The following BCL11B variants were observed in gnomAD, a reference collection of about 807,000 sequenced individuals.
The protein encoded by BCL11B is BCL11 transcription factor B, also known as B-cell lymphoma/leukemia 11B.
A neutral mutation model predicts 49.9 loss-of-function variants in BCL11B; 8 were observed. That is an observed-to-expected ratio of 0.16 (90% CI 0.09 to 0.29). The LOEUF is 0.29. Among genes scored for constraint, BCL11B ranks in the 10% least tolerant of loss-of-function variants. BCL11B has a pLI of 1.00. For missense variants in BCL11B, 1,006 were observed against 1,351.0 expected, an observed-to-expected ratio of 0.74 and a Z score of 4.00; for synonymous variants, 739 against 637.4, an observed-to-expected ratio of 1.16 and a Z score of -2.40.
chr14:99,185,237 G>A, intron 3 of BCL11B, among the ~76,000 whole-genome samples: 1 of 152,104 alleles, frequency 6.6e-6, no homozygotes, highest in Non-Finnish European at 1.5e-5. Flanking sequence ...AGGAGTTGGA[G>A]ACCAGCCTGG....
At chr14:99,255,567 G>A (rs1425002936) in intron 2 of BCL11B, among the ~76,000 whole-genome samples, 1 of 152,126 alleles carries the variant, frequency 6.6e-6, no homozygotes, top group Non-Finnish European at 1.5e-5. Context: ...ATTGGGAAAT[G>A]CCTTCAATGT....
chr14:99,268,509 G>T (rs980597771), intron 1 of BCL11B, among the ~76,000 whole-genome samples: 1 of 152,146 alleles, frequency 6.6e-6, no homozygotes. Context: ...GACAGCACCC[G>T]CTTTGCCAGC....
chr14:99,246,635 T>G (rs1245233732), intron 2 of BCL11B, among the ~76,000 whole-genome samples: 1 of 152,206 alleles, frequency 6.6e-6, no homozygotes, highest in Non-Finnish European at 1.5e-5. Flanking sequence ...TCTGCGCCCC[T>G]GGCCTCGGGG....
chr14:99,194,829 C>T lies in BCL11B; in HGVS notation c.641-18634G>A, dbSNP rs895389829. On this transcript the variant is annotated intron_variant, in intron 3 of 3. Transcript: ENST00000357195. The surrounding 1 kb of genome is among the most constrained non-coding windows in gnomAD (Gnocchi z 4.6). ...CGAGGATGCAGACAGGCCTGAACCA[C>T]GGGCACCCGACCAGTAGGACCTTGG... Among the ~76,000 whole-genome samples the T allele has an allele frequency of 2.0e-5, 3 of 152,188 alleles. No homozygotes were observed. Among genetic ancestry groups the T allele is most frequent in the Non-Finnish European group, 4.4e-5 (3 of 68,036 alleles).
chr14:99,237,301 T>C (rs1226184718), intron 2 of BCL11B, among the ~76,000 whole-genome samples: 1 of 151,966 alleles, frequency 6.6e-6, no homozygotes, highest in Admixed American at 6.6e-5. Context: ...GAACTTGTTT[T>C]CCATTTCATT....
intron 3 of BCL11B, among the ~76,000 whole-genome samples, chr14:99,218,054 A>T (rs1393373897): frequency 1.4e-5 from 2 of 143,222 alleles, no homozygotes; most frequent in East Asian, 2.0e-4. Flanking sequence ...CATAATAATC[A>T]TTGCAGGTTT....
Position 99,241,533 on chromosome 14 carries a change from G to A in BCL11B, c.428-9976C>T, listed in dbSNP as rs531495375. On this transcript the variant is annotated intron_variant, in intron 2 of 3. Transcript: ENST00000357195. The surrounding 1 kb of genome is among the most constrained non-coding windows in gnomAD (Gnocchi z 4.4). ...AATGGCAGAAAAATTAAGTCTTGGG[G>A]CTGAGACGAAGGGAACCTGACTCAG... 1.3e-5 allele frequency among the ~76,000 whole-genome samples: 2 copies of A among 152,158 alleles called. No homozygotes were observed. The highest frequency in any genetic ancestry group is 4.2e-4 in the South Asian group (2 of 4,810).
At chr14:99,211,566 GCATGTACACATGCACATGCATTCA>G (rs1887689881) in intron 3 of BCL11B, among the ~76,000 whole-genome samples, 1 of 152,154 alleles carries the variant, frequency 6.6e-6, no homozygotes. Flanking sequence ...GTGCACACAT[GCATGTACACATGCACATGCATTCA>G]CATGTACACA....
intron 3 of BCL11B, among the ~76,000 whole-genome samples, chr14:99,215,150 C>T (rs1015225584): frequency 6.6e-6 from 1 of 151,804 alleles, no homozygotes; most frequent in Non-Finnish European, 1.5e-5. Flanking sequence ...CCCTCCCCAG[C>T]TCTTCCCCAC....
In BCL11B at chr14:99,175,935, C is replaced by T; in HGVS notation, c.901G>A (p.Asp301Asn). 2 of 1,448,934 alleles carry T rather than the reference C, an allele frequency of 1.4e-6. No homozygotes were observed. Among genetic ancestry groups the T allele is most frequent in the South Asian group, 2.9e-5 (2 of 68,178 alleles). The allele number at this position is 1,448,934 out of a possible 1,614,324, so 89.8% of individuals were successfully genotyped here. ...CGGCCCTCGCCGAAGCCCGGGTGGT[C>T]CCGCAGGATGGGGCCCGTCATGCGC... The part of the protein sequence containing the change: ...LLRMTGPILR[D>N]HPGFGEGRLP... The change falls in exon 4 of 4, where the codon GAC becomes AAC. Residue 301 changes from aspartate to asparagine, a missense_variant. Asp to Asn is a conservative substitution (Grantham distance 23, BLOSUM62 1). This residue lies in a region of BCL11B where 411 missense variants were observed against 542.2 expected (regional missense o/e 0.76). Transcript: ENST00000357195.
intron 2 of BCL11B, among the ~76,000 whole-genome samples, chr14:99,239,639 A>G (rs1055622157): frequency 2.6e-5 from 4 of 152,216 alleles, no homozygotes; most frequent in African/African-American, 9.6e-5. Flanking sequence ...TTTTAAACTA[A>G]GGACACCTTT....
intron 3 of BCL11B, among the ~76,000 whole-genome samples, chr14:99,223,983 G>T (rs1234567230): frequency 1.3e-5 from 2 of 152,178 alleles, no homozygotes; most frequent in Non-Finnish European, 2.9e-5. Context: ...GAGTGAGAAG[G>T]CCCTCCATGG....
At chr14:99,177,426 TGCAAG>T (rs1317918701) in intron 3 of BCL11B, among the ~76,000 whole-genome samples, 1 of 151,748 alleles carries the variant, frequency 6.6e-6, no homozygotes, top group Non-Finnish European at 1.5e-5. Flanking sequence ...GAACCCATCC[TGCAAG>T]TGCCCTCCTG....
chr14:99,190,087 G>C (rs1187662030), intron 3 of BCL11B, among the ~76,000 whole-genome samples: 1 of 152,210 alleles, frequency 6.6e-6, no homozygotes, highest in Non-Finnish European at 1.5e-5. Flanking sequence ...TTTGCTGATG[G>C]ATGCAATGAC....
Position 99,270,043 on chromosome 14 carries a change from C to T in BCL11B, c.58+1118G>A, listed in dbSNP as rs562537408. On this transcript the variant is annotated intron_variant, in intron 1 of 3. Transcript: ENST00000357195. ...CCTTCCCGGTGCAAGTGTGCGGGGA[C>T]TCGGGGCGGGTTCCCCTGCAAACAC... Among the ~76,000 whole-genome samples the T allele has an allele frequency of 7.2e-5, 11 of 152,122 alleles. No homozygotes were observed. In the East Asian group the frequency reaches 2.1e-3, roughly 30 times the overall value.
chr14:99,241,384 C>A lies in BCL11B; in HGVS notation c.428-9827G>T, dbSNP rs893141121. 6.6e-6 allele frequency among the ~76,000 whole-genome samples: 1 copy of A among 151,412 alleles called. No homozygotes were observed. Among genetic ancestry groups the A allele is most frequent in the East Asian group, 1.9e-4 (1 of 5,162 alleles). ...AACGAGCTCCAATTCCAGATCGGGG[C>A]GAGAATCTAGCTGTAATCTCAGAGG... On this transcript the variant is annotated intron_variant, in intron 2 of 3. Transcript: ENST00000357195. This position sits in a 1 kb window ranked among gnomAD's most constrained non-coding sequence, Gnocchi z 4.4.
chr14:99,253,077 C>T (rs1016071733), intron 2 of BCL11B, among the ~76,000 whole-genome samples: 5 of 152,244 alleles, frequency 3.3e-5, no homozygotes, highest in East Asian at 1.9e-4. Context: ...GGTGCTTCCT[C>T]ATTTCATCCT....
intron 3 of BCL11B, among the ~76,000 whole-genome samples, chr14:99,216,745 G>A (rs1392056784): frequency 6.6e-6 from 1 of 152,100 alleles, no homozygotes; most frequent in Non-Finnish European, 1.5e-5. Flanking sequence ...GGCTGGGAGG[G>A]GCCTGTTCTG....
At chr14:99,220,014 G>A (rs1308226255) in intron 3 of BCL11B, among the ~76,000 whole-genome samples, 1 of 152,046 alleles carries the variant, frequency 6.6e-6, no homozygotes, top group Admixed American at 6.5e-5. Flanking sequence ...CACCTAACTT[G>A]GACCAGTTGT....
Sources: allele counts gnomAD v4.1 joint callset (sites outside exome capture counted in the v4.1 genomes callset), GRCh38; gene constraint gnomAD v4.1.1; regional missense constraint gnomAD v4.1.1; non-coding constraint Gnocchi (gnomAD v3.1); transcripts MANE v1.5; gene names NCBI Gene and HGNC (gene_info 2026-07-23, HGNC 2026-07-21).